The following DPP10 variants were observed in gnomAD, a reference collection of about 807,000 sequenced individuals.
DPP10 encodes inactive dipeptidyl peptidase 10.
Under a neutral mutation model 120.9 loss-of-function variants are expected in DPP10, and 33 were observed. That is an observed-to-expected ratio of 0.27 (90% CI 0.21 to 0.37). DPP10 has a LOEUF of 0.37. Ranked by LOEUF, DPP10 falls within the 10% of genes least tolerant of loss-of-function variation. The pLI is 1.00. For missense variants in DPP10, 816 were observed against 942.8 expected (o/e 0.87, Z 1.76); for synonymous variants, 337 against 326.1 (o/e 1.03, Z -0.36).
At chr2:115,331,011 T>C (rs1379238613) in intron 2 of DPP10, among the ~76,000 whole-genome samples, 1 of 152,184 alleles carries the variant, frequency 6.6e-6, no homozygotes, top group East Asian at 1.9e-4. Flanking sequence ...ATAAATTACC[T>C]TGGGCAGTAT....
intron 1 of DPP10, among the ~76,000 whole-genome samples, chr2:114,671,664 T>C (rs1428086802): frequency 1.3e-5 from 2 of 152,168 alleles, no homozygotes; most frequent in African/African-American, 4.8e-5. Context: ...GGGGAATTAC[T>C]ATCTCTGTAT....
intron 1 of DPP10, among the ~76,000 whole-genome samples, chr2:114,497,890 C>T (rs976464523): frequency 3.3e-5 from 5 of 152,176 alleles, no homozygotes; most frequent in African/African-American, 1.2e-4. Context: ...TCCAGAGCGA[C>T]TTTGATTCTA....
chr2:115,219,208 G>C (rs1174226673), intron 1 of DPP10, among the ~76,000 whole-genome samples: 1 of 152,094 alleles, frequency 6.6e-6, no homozygotes, highest in Non-Finnish European at 1.5e-5. Context: ...ACATAGGTCT[G>C]CATTGACCTC....
chr2:114,766,789 G>A (rs1044220085), intron 1 of DPP10, among the ~76,000 whole-genome samples: 2 of 152,012 alleles, frequency 1.3e-5, no homozygotes, highest in Non-Finnish European at 2.9e-5. Context: ...GCAGAGATAG[G>A]GGTAGGATTT....
At chr2:114,499,281 G>A (rs970192204) in intron 1 of DPP10, among the ~76,000 whole-genome samples, 1 of 152,148 alleles carries the variant, frequency 6.6e-6, no homozygotes, top group Non-Finnish European at 1.5e-5. Flanking sequence ...AATCCAGAAA[G>A]GGCAGGGAGT....
At chr2:115,436,944 A>G (rs375060741) in intron 3 of DPP10, among the ~76,000 whole-genome samples, 29 of 152,102 alleles carry the variant, frequency 1.9e-4, no homozygotes, top group East Asian at 1.2e-3. Context: ...GTGGTCTAAC[A>G]GTATGTAAGA....
intron 1 of DPP10, among the ~76,000 whole-genome samples, chr2:114,935,857 C>T (rs997786195): frequency 7.0e-6 from 1 of 143,752 alleles, no homozygotes; most frequent in African/African-American, 2.5e-5. Flanking sequence ...AACTAAAAAA[C>T]TGAAGGTTTT....
Position 114,834,355 on chromosome 2 carries a change from C to T in DPP10, c.60+391517C>T, listed in dbSNP as rs368303273. Among the ~76,000 whole-genome samples, 199 of 138,220 alleles carry T rather than the reference C, an allele frequency of 1.4e-3. 2 individuals are homozygous for T. The highest frequency in any genetic ancestry group is 0.014 in the South Asian group (68 of 4,778). 90.7% of individuals were successfully genotyped at this position (138,220 alleles called of 152,430 possible). On this transcript the variant is annotated intron_variant, in intron 1 of 25. Coordinates refer to ENST00000410059, the MANE Select transcript of DPP10 (RefSeq NM_020868.6). ...CCTATGTATATAAAAGACATGTCTA[C>T]ACACCTATGTATATAAAAGACATAT...
chr2:115,041,752 A>G (rs760998132), intron 1 of DPP10, among the ~76,000 whole-genome samples: 2 of 152,190 alleles, frequency 1.3e-5, no homozygotes, highest in Non-Finnish European at 2.9e-5. Flanking sequence ...CAGTGTCCAG[A>G]TACCTGGAAA....
chr2:114,952,719 G>C lies in DPP10; in HGVS notation c.61-356520G>C, dbSNP rs147352823. Among the ~76,000 whole-genome samples, 328 of 152,186 alleles carry C rather than the reference G, an allele frequency of 2.2e-3. 4 individuals are homozygous for C. Among genetic ancestry groups the C allele is most frequent in the African/African-American group, 7.5e-3 (313 of 41,540 alleles). On this transcript the variant is annotated intron_variant, in intron 1 of 25. Transcript: ENST00000410059. ...ACATGTGTTGGGGAAGGGTGAGATG[G>C]AAAAAATACACACAAGATATACTCT...
At chr2:114,894,023 G>A (rs1692765901) in intron 1 of DPP10, among the ~76,000 whole-genome samples, 1 of 151,928 alleles carries the variant, frequency 6.6e-6, no homozygotes, top group Admixed American at 6.6e-5. Context: ...TATTATCTAT[G>A]CACCTCTCCA....
chr2:115,020,421 A>G (rs1006629718), intron 1 of DPP10, among the ~76,000 whole-genome samples: 5 of 152,218 alleles, frequency 3.3e-5, no homozygotes, highest in African/African-American at 1.2e-4. Context: ...AAAGAGGGAC[A>G]TTATATAATG....
chr2:114,672,986 AT>A (rs1333503298), intron 1 of DPP10, among the ~76,000 whole-genome samples: 1 of 152,100 alleles, frequency 6.6e-6, no homozygotes, highest in African/African-American at 2.4e-5. Flanking sequence ...CTCTAATAAC[AT>A]CTTTCTGTTG....
chr2:115,635,151 C>A (rs1198521484), intron 5 of DPP10, among the ~76,000 whole-genome samples: 1 of 150,312 alleles, frequency 6.7e-6, no homozygotes, highest in Admixed American at 6.6e-5. Context: ...CAGCAGGCAG[C>A]CACAGTGATG....
intron 1 of DPP10, among the ~76,000 whole-genome samples, chr2:114,942,541 ATTACAT>A (rs1697041680): frequency 6.6e-6 from 1 of 150,954 alleles, no homozygotes; most frequent in Non-Finnish European, 1.5e-5. Flanking sequence ...CTGTCTTTTG[ATTACAT>A]AGATTAGCCA....
At chr2:114,609,204 G>A (rs1693079172) in intron 1 of DPP10, among the ~76,000 whole-genome samples, 1 of 152,100 alleles carries the variant, frequency 6.6e-6, no homozygotes. Context: ...GTATATTTTG[G>A]AGTGGCGGAG....
intron 3 of DPP10, among the ~76,000 whole-genome samples, chr2:115,407,179 C>T (rs1049866089): frequency 1.3e-5 from 2 of 152,140 alleles, no homozygotes; most frequent in East Asian, 3.9e-4. Context: ...CTCTGCAGTG[C>T]GCAGGTGGGC....
intron 17 of DPP10, among the ~76,000 whole-genome samples, chr2:115,786,653 T>A (rs1683379356): frequency 6.6e-6 from 1 of 152,196 alleles, no homozygotes; most frequent in Non-Finnish European, 1.5e-5. Context: ...GGCTTTCTTG[T>A]TAATAGAAAT....
intron 1 of DPP10, among the ~76,000 whole-genome samples, chr2:115,289,124 A>G (rs368015125): frequency 3.9e-4 from 60 of 152,288 alleles, no homozygotes; most frequent in Admixed American, 1.8e-3. Flanking sequence ...ATGTGAAGAA[A>G]TCAGTAGCGC....
Sources: gnomAD v4.1 joint callset for allele counts (sites outside exome capture counted in the v4.1 genomes callset) on GRCh38, gnomAD v4.1.1 for gene constraint, MANE v1.5 for transcripts, NCBI Gene and HGNC (gene_info 2026-07-23, HGNC 2026-07-21) for gene names.